The following FOXP2 variants were observed in gnomAD, a reference collection of about 807,000 sequenced individuals.
The protein encoded by FOXP2 is forkhead box P2.
A neutral mutation model predicts 115.8 loss-of-function variants in FOXP2; 12 were observed. The ratio of observed to expected loss-of-function variants is 0.10; its 90% CI spans 0.07 to 0.17. The LOEUF (loss-of-function observed/expected upper bound fraction) is 0.17, where lower values mean the gene tolerates loss of function less well. Among genes scored for constraint, FOXP2 ranks in the 10% least tolerant of loss-of-function variants. The pLI, the probability that FOXP2 is intolerant of heterozygous loss-of-function variation, is 1.00. For missense variants in FOXP2, 629 were observed against 843.5 expected, an observed-to-expected ratio of 0.75 and a Z score of 3.15; for synonymous variants, 328 against 297.7, an observed-to-expected ratio of 1.10 and a Z score of -1.05.
At chr7:114,117,102 T>A (rs558041159) in intron 1 of FOXP2, among the ~76,000 whole-genome samples, 11 of 152,062 alleles carry the variant, frequency 7.2e-5, no homozygotes, top group Non-Finnish European at 1.3e-4. Context: ...AAATTTTACT[T>A]TGATTTAGTA....
intron 3 of FOXP2, among the ~76,000 whole-genome samples, chr7:114,581,185 A>T (rs1005984603): frequency 1.4e-5 from 2 of 143,614 alleles, no homozygotes; most frequent in Non-Finnish European, 3.0e-5. Context: ...TTATTTATTT[A>T]TTTATTTATT....
intron 2 of FOXP2, among the ~76,000 whole-genome samples, chr7:114,457,925 G>A (rs1343367690): frequency 1.3e-5 from 2 of 149,492 alleles, no homozygotes; most frequent in Non-Finnish European, 3.0e-5. Flanking sequence ...TCTCATTTTT[G>A]TATTAGAAAG....
intron 2 of FOXP2, among the ~76,000 whole-genome samples, chr7:114,328,702 T>G (rs1217487509): frequency 6.6e-6 from 1 of 152,350 alleles, no homozygotes; most frequent in South Asian, 2.1e-4. Flanking sequence ...AATCATGTCT[T>G]ATATTCTATT....
intron 3 of FOXP2, chr7:114,538,428 G>A (rs918143213): frequency 8.8e-7 from 1 of 1,137,604 alleles, no homozygotes; most frequent in Non-Finnish European, 1.2e-6. Flanking sequence ...TTAGTTTTTA[G>A]CATTGTAATC....
rs536565702 is a variant in FOXP2 at position 114,414,945 on chromosome 7, C to A, written c.-426C>A. 6.9e-5 allele frequency: 28 copies of A among 404,870 alleles called. No individual in the cohort carries two copies. The highest frequency in any genetic ancestry group is 2.1e-4 in the East Asian group (3 of 14,028). The allele number at this position is 404,870 out of a possible 1,614,324, so 25.1% of individuals were successfully genotyped here. A position where few individuals can be genotyped will look rare whatever the true frequency, so the allele number is the denominator to read the frequency against. Reference sequence around the variant, plus strand: ...ATGCACACACACACATACACACACACAAAAATGAAGCACTTACTTTAGAAA... The same window carrying A: ...ATGCACACACACACATACACACACAAAAAAATGAAGCACTTACTTTAGAAA... On this transcript the variant is annotated 5_prime_UTR_variant, in exon 1 of 17. Coordinates refer to ENST00000350908, the MANE Select transcript of FOXP2 (RefSeq NM_014491.4).
At position 114,415,201 on chromosome 7, in the gene FOXP2, T is replaced by C. The variant is rs117662905; in HGVS notation, c.-170T>C. The C allele has an allele frequency of 9.3e-4, 422 of 454,176 alleles. No individual in the cohort carries two copies. Among genetic ancestry groups the C allele is most frequent in the Non-Finnish European group, 1.6e-3 (358 of 226,724 alleles). The allele number at this position is 454,176 out of a possible 1,614,324, so 28.1% of individuals were successfully genotyped here. ...TAGTGTAAATACTGCTGTAAATAGTTGTCTGATGGTGGCTTTGACAGTGAG... is the reference window on the plus strand; with the variant it reads ...TAGTGTAAATACTGCTGTAAATAGTCGTCTGATGGTGGCTTTGACAGTGAG... On this transcript the variant is annotated 5_prime_UTR_variant, in exon 1 of 17. Transcript: ENST00000350908.
At chr7:114,403,484 C>T (rs1170906130) in intron 2 of FOXP2, among the ~76,000 whole-genome samples, 1 of 152,172 alleles carries the variant, frequency 6.6e-6, no homozygotes, top group Non-Finnish European at 1.5e-5. Context: ...TTATACTTCT[C>T]ATTGCCTTTA....
At chr7:114,295,590 A>G (rs1330000126) in intron 2 of FOXP2, among the ~76,000 whole-genome samples, 1 of 152,156 alleles carries the variant, frequency 6.6e-6, no homozygotes, top group Non-Finnish European at 1.5e-5. Context: ...CCTCATTTTA[A>G]ACTGTTGGCA....
intron 2 of FOXP2, among the ~76,000 whole-genome samples, chr7:114,517,823 T>G (rs1254919646): frequency 6.6e-6 from 1 of 152,188 alleles, no homozygotes; most frequent in East Asian, 1.9e-4. Flanking sequence ...TTTTGTGATT[T>G]CATACAAATT....
intron 1 of FOXP2, among the ~76,000 whole-genome samples, chr7:114,285,727 T>G (rs1181284134): frequency 6.6e-6 from 1 of 152,058 alleles, no homozygotes; most frequent in Non-Finnish European, 1.5e-5. Flanking sequence ...TGCATCTTCC[T>G]GATTGCTAGT....
At chr7:114,525,575 G>A (rs1309377472) in intron 2 of FOXP2, among the ~76,000 whole-genome samples, 5 of 152,084 alleles carry the variant, frequency 3.3e-5, no homozygotes, top group African/African-American at 1.2e-4. Flanking sequence ...TCCCACTTTT[G>A]TTTCTCCTGA....
intron 2 of FOXP2, among the ~76,000 whole-genome samples, chr7:114,339,270 A>C (rs537180364): frequency 6.6e-6 from 1 of 151,186 alleles, no homozygotes; most frequent in African/African-American, 2.4e-5. Context: ...ACTGAGTGCA[A>C]CATGGTATAT....
chr7:114,332,873 A>C (rs1022388874), intron 2 of FOXP2, among the ~76,000 whole-genome samples: 2 of 152,200 alleles, frequency 1.3e-5, no homozygotes, highest in Non-Finnish European at 2.9e-5. Flanking sequence ...TCCTAGGAGG[A>C]AAAACATGCT....
intron 5 of FOXP2, 22 bp from the exon 6 acceptor site, chr7:114,631,506 G>A (rs1804919192): frequency 1.3e-6 from 2 of 1,554,522 alleles, no homozygotes; most frequent in East Asian, 4.9e-5. Context: ...GCTGTTTACT[G>A]GTTTGGGTTT....
chr7:114,668,080 G>T (rs1039384792), intron 16 of FOXP2: 1 of 152,006 alleles, frequency 6.6e-6, no homozygotes. Flanking sequence ...AGGTTCAAAA[G>T]GGAAGATGAA....
At position 114,322,474 on chromosome 7, in the gene FOXP2, A is replaced by C. The variant is rs191194502; in HGVS notation, c.-11+34365A>C. Among the ~76,000 whole-genome samples, 817 of 152,144 alleles carry C rather than the reference A, an allele frequency of 5.4e-3. 5 individuals carry two copies. Among genetic ancestry groups the C allele is most frequent in the African/African-American group, 0.019 (789 of 41,556 alleles). ...CAACATAGTGAGACTTTATCTCTAC[A>C]AAACATTAATATAAATAAAACAAAT... On this transcript the variant is annotated intron_variant, in intron 2 of 17. Transcript: ENST00000634411.
At chr7:114,483,083 C>T (rs528814983) in intron 2 of FOXP2, among the ~76,000 whole-genome samples, 24 of 151,650 alleles carry the variant, frequency 1.6e-4, no homozygotes, top group South Asian at 1.2e-3. Context: ...CATCTCCTTC[C>T]GCAAGTTAGT....
chr7:114,602,673 C>T (rs1803091573), intron 3 of FOXP2, among the ~76,000 whole-genome samples: 1 of 152,068 alleles, frequency 6.6e-6, no homozygotes, highest in Admixed American at 6.6e-5. Flanking sequence ...AATATGGAGA[C>T]AACAAAATCT....
chr7:114,579,066 A>G (rs539588254), intron 3 of FOXP2, among the ~76,000 whole-genome samples: 108 of 152,256 alleles, frequency 7.1e-4, no homozygotes, highest in Non-Finnish European at 1.4e-3. Context: ...CAATTGCTTT[A>G]TAGAAAGGAC....
Sources: gnomAD v4.1 joint callset for allele counts (sites outside exome capture counted in the v4.1 genomes callset) on GRCh38, gnomAD v4.1.1 for gene constraint, MANE v1.5 for transcripts, NCBI Gene and HGNC (gene_info 2026-07-23, HGNC 2026-07-21) for gene names.